ST6GALNAC3: variants seen among roughly 807,000 people sequenced by gnomAD.
ST6GALNAC3 encodes ST6 N-acetylgalactosaminide alpha-2,6-sialyltransferase 3.
A neutral mutation model predicts 32.7 loss-of-function variants in ST6GALNAC3; 25 were observed. The observed-to-expected ratio is 0.76, with a 90% CI of 0.56 to 1.07. The LOEUF is 1.07. Among genes scored for constraint, ST6GALNAC3 ranks in the 50% least tolerant of loss-of-function variants. The pLI is 0.00. For synonymous variants in ST6GALNAC3, 129 were observed against 133.1 expected, an observed-to-expected ratio of 0.97 and a Z score of 0.21; for missense variants, 355 against 382.4, an observed-to-expected ratio of 0.93 and a Z score of 0.60.
chr1:76,369,921 C>G (rs1041886077), intron 2 of ST6GALNAC3, among the ~76,000 whole-genome samples: 2 of 152,140 alleles, frequency 1.3e-5, no homozygotes, highest in African/African-American at 2.4e-5. Context: ...TTTCTCTATT[C>G]AAAGAGCTAG....
At chr1:76,437,687 C>T (rs1656246263) in intron 3 of ST6GALNAC3, among the ~76,000 whole-genome samples, 1 of 151,398 alleles carries the variant, frequency 6.6e-6, no homozygotes, top group African/African-American at 2.4e-5. Context: ...AAGCTATTCT[C>T]CTGCCTCAGC....
At chr1:76,190,635 A>C (rs969710984) in intron 1 of ST6GALNAC3, among the ~76,000 whole-genome samples, 2 of 152,130 alleles carry the variant, frequency 1.3e-5, no homozygotes, top group African/African-American at 4.8e-5. Flanking sequence ...AGATGTGTAA[A>C]ATAATGGTTC....
At chr1:76,262,279 G>C (rs1036637667) in intron 1 of ST6GALNAC3, among the ~76,000 whole-genome samples, 1 of 152,188 alleles carries the variant, frequency 6.6e-6, no homozygotes, top group Non-Finnish European at 1.5e-5. Flanking sequence ...AATTTTCCCA[G>C]GTTAGTGGAA....
chr1:76,341,682 C>CTTTCTTTCTTTCCTTCT (rs1411767732), intron 2 of ST6GALNAC3, among the ~76,000 whole-genome samples: 4 of 35,990 alleles, frequency 1.1e-4, no homozygotes, highest in Admixed American at 2.9e-4. Context: ...TCTTTCTTTC[C>CTTTCTTTCTTTCCTTCT]TTCTTTCTTT....
chr1:76,200,216 G>A (rs2100537124), intron 1 of ST6GALNAC3, among the ~76,000 whole-genome samples: 1 of 152,246 alleles, frequency 6.6e-6, no homozygotes, highest in East Asian at 1.9e-4. Context: ...CTTTGTAATT[G>A]GCTCTATCAT....
chr1:76,080,447 A>G (rs1646877773), intron 1 of ST6GALNAC3, among the ~76,000 whole-genome samples: 1 of 151,664 alleles, frequency 6.6e-6, no homozygotes, highest in African/African-American at 2.4e-5. Flanking sequence ...TTTTCTTAGT[A>G]TGTTTCTTGT....
At chr1:76,116,430 C>T (rs1648482127) in intron 1 of ST6GALNAC3, among the ~76,000 whole-genome samples, 1 of 152,120 alleles carries the variant, frequency 6.6e-6, no homozygotes, top group Non-Finnish European at 1.5e-5. Flanking sequence ...TTCTCCATTT[C>T]TGTAGCTCCA....
At chr1:76,213,908 C>T (rs1054720982) in intron 1 of ST6GALNAC3, among the ~76,000 whole-genome samples, 2 of 152,088 alleles carry the variant, frequency 1.3e-5, no homozygotes, top group Non-Finnish European at 2.9e-5. Flanking sequence ...CACGTATGAC[C>T]ACTGCATCAT....
intron 1 of ST6GALNAC3, among the ~76,000 whole-genome samples, chr1:76,258,232 G>A (rs540502346): frequency 1.4e-4 from 21 of 152,268 alleles, no homozygotes; most frequent in African/African-American, 4.8e-4. Flanking sequence ...AAAATAAGAT[G>A]AGGTGTTAAG....
chr1:76,576,241 T>C (rs1646804876), intron 3 of ST6GALNAC3, among the ~76,000 whole-genome samples: 1 of 152,036 alleles, frequency 6.6e-6, no homozygotes, highest in Non-Finnish European at 1.5e-5. Flanking sequence ...AATGGGTGTT[T>C]GCCTCCATGA....
chr1:76,262,347 G>A (rs143476479), intron 1 of ST6GALNAC3, among the ~76,000 whole-genome samples: 37 of 152,090 alleles, frequency 2.4e-4, no homozygotes, highest in Admixed American at 9.8e-4. Context: ...TTCCATGGCA[G>A]GCTGTGGTGA....
chr1:76,195,380 TAGA>T (rs1319958067), intron 1 of ST6GALNAC3, among the ~76,000 whole-genome samples: 1 of 152,216 alleles, frequency 6.6e-6, no homozygotes, highest in Non-Finnish European at 1.5e-5. Context: ...ACGTGTGTAG[TAGA>T]AGTGCTTTAT....
At chr1:76,556,811 C>A (rs550154962) in intron 3 of ST6GALNAC3, among the ~76,000 whole-genome samples, 167 of 152,192 alleles carry the variant, frequency 1.1e-3, no homozygotes, top group African/African-American at 3.9e-3. Context: ...TTTCTCTCAC[C>A]TTGTGGGCTA....
At chr1:76,202,048 A>G (rs1654548685) in intron 1 of ST6GALNAC3, among the ~76,000 whole-genome samples, 1 of 152,114 alleles carries the variant, frequency 6.6e-6, no homozygotes, top group African/African-American at 2.4e-5. Context: ...GAGTAAAGTG[A>G]CCAGATGTCA....
intron 2 of ST6GALNAC3, among the ~76,000 whole-genome samples, chr1:76,403,706 T>C (rs34921779): frequency 0.16 from 23,680 of 152,082 alleles, 2,198 homozygotes; most frequent in Admixed American, 0.2. Context: ...TAATACCATA[T>C]AGCAAGAATC....
chr1:76,105,866 T>C (rs1647491151), intron 1 of ST6GALNAC3, among the ~76,000 whole-genome samples: 1 of 152,232 alleles, frequency 6.6e-6, no homozygotes, highest in South Asian at 2.1e-4. Flanking sequence ...AATAATTTTC[T>C]TACTCTTTTT....
chr1:76,573,815 A>C (rs555583616), intron 3 of ST6GALNAC3, among the ~76,000 whole-genome samples: 1 of 152,070 alleles, frequency 6.6e-6, no homozygotes, highest in African/African-American at 2.4e-5. Flanking sequence ...CTGGCCTTGT[A>C]CTTCTAGGAA....
At chr1:76,123,689 C>G (rs1649042656) in intron 1 of ST6GALNAC3, among the ~76,000 whole-genome samples, 1 of 148,804 alleles carries the variant, frequency 6.7e-6, no homozygotes, top group South Asian at 2.1e-4. Context: ...AATAGTGTAA[C>G]AAATAATAGT....
intron 3 of ST6GALNAC3, among the ~76,000 whole-genome samples, chr1:76,543,494 G>A (rs1664115646): frequency 6.6e-6 from 1 of 152,026 alleles, no homozygotes; most frequent in South Asian, 2.1e-4. Context: ...TATCACATCA[G>A]AAAAAAATAT....
Sources: allele counts gnomAD v4.1 joint callset (sites outside exome capture counted in the v4.1 genomes callset), GRCh38; gene constraint gnomAD v4.1.1; transcripts MANE v1.5; gene names NCBI Gene and HGNC (gene_info 2026-07-23, HGNC 2026-07-21).